GRIN2B: variants seen among roughly 807,000 people sequenced by gnomAD.
GRIN2B encodes glutamate receptor ionotropic, NMDA 2B.
GRIN2B carries 5 observed loss-of-function variants against 114.5 expected under a neutral mutation model. The observed-to-expected ratio is 0.04, with a 90% CI of 0.02 to 0.09. The LOEUF is 0.09. Among genes scored for constraint, GRIN2B ranks in the 10% least tolerant of loss-of-function variants. The pLI is 1.00. For synonymous variants in GRIN2B, 787 were observed against 745.1 expected, an observed-to-expected ratio of 1.06 and a Z score of -0.92; for missense variants, 1,108 against 1,943.5, an observed-to-expected ratio of 0.57 and a Z score of 8.08.
intron 2 of GRIN2B, among the ~76,000 whole-genome samples, chr12:13,912,465 T>C (rs1159072928): frequency 6.6e-6 from 1 of 152,142 alleles, no homozygotes; most frequent in Non-Finnish European, 1.5e-5. Flanking sequence ...GTATTGAACA[T>C]GACCTACACT....
intron 3 of GRIN2B, among the ~76,000 whole-genome samples, chr12:13,838,434 C>T (rs1048962777): frequency 2.0e-5 from 3 of 152,116 alleles, no homozygotes; most frequent in Non-Finnish European, 2.9e-5. Context: ...CTTCCTAGTT[C>T]TCTCTCCTTT....
At chr12:13,965,673 G>C (rs544973328) in intron 2 of GRIN2B, among the ~76,000 whole-genome samples, 247 of 152,050 alleles carry the variant, frequency 1.6e-3, no homozygotes, top group Non-Finnish European at 3.2e-3. Flanking sequence ...GGCTTTTACT[G>C]CTTTCCCTTT....
intron 3 of GRIN2B, among the ~76,000 whole-genome samples, chr12:13,840,662 C>T (rs1255527590): frequency 6.6e-6 from 1 of 152,092 alleles, no homozygotes; most frequent in African/African-American, 2.4e-5. Context: ...CAGCAAAGTA[C>T]CTGATCAGTT....
intron 4 of GRIN2B, among the ~76,000 whole-genome samples, chr12:13,693,969 A>C (rs1950236211): frequency 6.6e-6 from 1 of 152,156 alleles, no homozygotes; most frequent in South Asian, 2.1e-4. Flanking sequence ...CTCTCCTATA[A>C]ATTCTGGGTG....
intron 3 of GRIN2B, among the ~76,000 whole-genome samples, chr12:13,771,936 C>T (rs913191078): frequency 3.3e-5 from 5 of 152,230 alleles, no homozygotes; most frequent in African/African-American, 1.2e-4. Flanking sequence ...CTGAATATGT[C>T]AGAACACTCC....
intron 3 of GRIN2B, among the ~76,000 whole-genome samples, chr12:13,786,822 C>CT (rs1190878483): frequency 2.0e-5 from 3 of 152,174 alleles, no homozygotes; most frequent in African/African-American, 7.2e-5. Flanking sequence ...TGTCCACTCC[C>CT]TTTCTTTGTC....
intron 3 of GRIN2B, among the ~76,000 whole-genome samples, chr12:13,854,656 C>CATTTA (rs1184850908): frequency 6.6e-6 from 1 of 151,196 alleles, no homozygotes; most frequent in African/African-American, 2.4e-5. Flanking sequence ...GGAACACTGA[C>CATTTA]ACCCTTTCAG....
At chr12:13,693,667 G>C (rs550978558) in intron 4 of GRIN2B, among the ~76,000 whole-genome samples, 26 of 152,126 alleles carry the variant, frequency 1.7e-4, no homozygotes, top group Non-Finnish European at 3.1e-4. Context: ...CTGCTTCATA[G>C]TATGCATTTT....
chr12:13,599,159 C>T (rs1238139131), intron 10 of GRIN2B, among the ~76,000 whole-genome samples: 2 of 152,160 alleles, frequency 1.3e-5, no homozygotes, highest in African/African-American at 4.8e-5. Flanking sequence ...GAGTGTCAGC[C>T]ACTTGGTCTT....
chr12:13,831,622 A>G (rs899406138), intron 3 of GRIN2B, among the ~76,000 whole-genome samples: 1 of 152,222 alleles, frequency 6.6e-6, no homozygotes, highest in Admixed American at 6.5e-5. Context: ...ATAGGCAAGG[A>G]CAGTAGAAGA....
chr12:13,827,536 T>A (rs1262042951), intron 3 of GRIN2B, among the ~76,000 whole-genome samples: 1 of 152,174 alleles, frequency 6.6e-6, no homozygotes. Flanking sequence ...CAATGCCTAA[T>A]CTACCATTAA....
chr12:13,931,528 A>G (rs1321079061), intron 2 of GRIN2B, among the ~76,000 whole-genome samples: 1 of 151,856 alleles, frequency 6.6e-6, no homozygotes, highest in African/African-American at 2.4e-5. Flanking sequence ...AACTAGGCTC[A>G]CTCCCTAAAT....
chr12:13,613,293 A>G (rs896218839), intron 8 of GRIN2B, among the ~76,000 whole-genome samples: 2 of 152,206 alleles, frequency 1.3e-5, no homozygotes, highest in African/African-American at 4.8e-5. Flanking sequence ...AGGCCCAGGG[A>G]AACTTTCTAT....
chr12:13,930,107 C>T (rs750282335), intron 2 of GRIN2B, among the ~76,000 whole-genome samples: 12 of 152,042 alleles, frequency 7.9e-5, no homozygotes, highest in Admixed American at 4.6e-4. Flanking sequence ...TCGCTTGAAC[C>T]GGGGAGGTGG....
intron 2 of GRIN2B, among the ~76,000 whole-genome samples, chr12:13,918,681 A>C (rs1866771649): frequency 6.6e-6 from 1 of 152,228 alleles, no homozygotes; most frequent in South Asian, 2.1e-4. Flanking sequence ...AAAATGTATT[A>C]AAGGGATGGT....
At chr12:13,879,993 G>C (rs1469427710) in intron 2 of GRIN2B, among the ~76,000 whole-genome samples, 1 of 152,202 alleles carries the variant, frequency 6.6e-6, no homozygotes, top group East Asian at 1.9e-4. Flanking sequence ...TCCTTATTGT[G>C]TGTCCATCTG....
At chr12:13,752,627 G>A (rs1202043744) in intron 4 of GRIN2B, among the ~76,000 whole-genome samples, 1 of 152,162 alleles carries the variant, frequency 6.6e-6, no homozygotes, top group Non-Finnish European at 1.5e-5. Flanking sequence ...AGGATGCACT[G>A]CAGTCACGGC....
At chr12:13,608,976 TGA>T in intron 9 of GRIN2B, 144 bp from the exon 10 acceptor site, 1 of 693,520 alleles carries the variant, frequency 1.4e-6, no homozygotes, top group South Asian at 1.6e-5. Flanking sequence ...CTTTTAAATT[TGA>T]GAGTGTGTAT....
intron 3 of GRIN2B, among the ~76,000 whole-genome samples, chr12:13,852,798 A>C (rs945999436): frequency 6.6e-6 from 1 of 151,834 alleles, no homozygotes; most frequent in Non-Finnish European, 1.5e-5. Context: ...CATATGCTCC[A>C]TCCACGATAC....
Sources: gnomAD v4.1 joint callset for allele counts (sites outside exome capture counted in the v4.1 genomes callset) on GRCh38, gnomAD v4.1.1 for gene constraint, MANE v1.5 for transcripts, NCBI Gene and HGNC (gene_info 2026-07-23, HGNC 2026-07-21) for gene names.